Variants in SPARCL1 observed in about 807,000 individuals in gnomAD.
The protein encoded by SPARCL1 is SPARC-like protein 1.
SPARCL1 carries 52 observed loss-of-function variants against 67.1 expected under a neutral mutation model. The observed-to-expected ratio is 0.78, with a 90% CI of 0.62 to 0.98. SPARCL1 has a LOEUF of 0.98. SPARCL1 is among the 50% of genes least tolerant of loss of function. SPARCL1 has a pLI of 0.00. For missense variants in SPARCL1, 717 were observed against 782.4 expected (o/e 0.92, Z 1.00); for synonymous variants, 226 against 267.8 (o/e 0.84, Z 1.52).
chr4:87,506,093 CA>C (rs923466652), intron 1 of SPARCL1, among the ~76,000 whole-genome samples: 2 of 152,104 alleles, frequency 1.3e-5, no homozygotes, highest in Admixed American at 1.3e-4. Context: ...TAGGGACAAA[CA>C]AAAATGTCTC....
At chr4:87,510,204 T>C (rs1725289111) in intron 1 of SPARCL1, among the ~76,000 whole-genome samples, 1 of 152,140 alleles carries the variant, frequency 6.6e-6, no homozygotes, top group African/African-American at 2.4e-5. Flanking sequence ...AAATACTATA[T>C]AATATGTGTT....
intron 1 of SPARCL1, among the ~76,000 whole-genome samples, chr4:87,519,233 G>C (rs1725707691): frequency 6.6e-6 from 1 of 151,958 alleles, no homozygotes; most frequent in Admixed American, 6.6e-5. Flanking sequence ...ACCACGCCCG[G>C]CTAATTTTTA....
In SPARCL1 at chr4:87,493,858, C is replaced by CT; in HGVS notation, c.941dup (p.Thr315AspfsTer4). 1 of 1,614,192 alleles carries CT rather than the reference C, an allele frequency of 6.2e-7. No individual in the cohort carries two copies. Among genetic ancestry groups the CT allele is most frequent in the Non-Finnish European group, 8.5e-7 (1 of 1,180,036 alleles). On this transcript the variant is annotated frameshift_variant, in exon 4 of 11. Coordinates refer to ENST00000282470, the MANE Select transcript of SPARCL1 (RefSeq NM_004684.6). LOFTEE classifies it high-confidence loss of function. Reference sequence around the variant, plus strand: ...CCATGAGCAGAGCCTCAGAAACAGTCTTTTCTTCTGTCTCTTTGTGGTTGC... The same window carrying CT: ...CCATGAGCAGAGCCTCAGAAACAGTCTTTTTCTTCTGTCTCTTTGTGGTTGC...
chr4:87,478,156 G>T (rs1223060132), intron 10 of SPARCL1, among the ~76,000 whole-genome samples: 1 of 152,034 alleles, frequency 6.6e-6, no homozygotes, highest in Non-Finnish European at 1.5e-5. Context: ...TATCCCAAGG[G>T]TATATTGTAA....
At chr4:87,504,583 T>G (rs1260827106) in intron 1 of SPARCL1, among the ~76,000 whole-genome samples, 1 of 152,210 alleles carries the variant, frequency 6.6e-6, no homozygotes, top group African/African-American at 2.4e-5. Context: ...CACTGAGCTC[T>G]GTAGAAGGGG....
chr4:87,498,129 A>C (rs748254001), intron 2 of SPARCL1, among the ~76,000 whole-genome samples: 33 of 152,180 alleles, frequency 2.2e-4, no homozygotes, highest in Non-Finnish European at 3.8e-4. Flanking sequence ...TTCAGGAGAA[A>C]ACAACGGTTT....
chr4:87,515,308 T>G (rs1264409163), intron 1 of SPARCL1, among the ~76,000 whole-genome samples: 1 of 152,246 alleles, frequency 6.6e-6, no homozygotes, highest in Non-Finnish European at 1.5e-5. Context: ...TATTACATTT[T>G]CTTATCTATC....
At chr4:87,500,379 A>G (rs900309439) in intron 1 of SPARCL1, among the ~76,000 whole-genome samples, 2 of 152,184 alleles carry the variant, frequency 1.3e-5, no homozygotes, top group Non-Finnish European at 2.9e-5. Flanking sequence ...CAGAGAGGTT[A>G]AGTAAGTTGT....
intron 1 of SPARCL1, among the ~76,000 whole-genome samples, chr4:87,512,573 G>A (rs1725412708): frequency 6.6e-6 from 1 of 152,008 alleles, no homozygotes; most frequent in African/African-American, 2.4e-5. Context: ...GAGACCATGT[G>A]GCTGGAACCT....
Position 87,508,389 on chromosome 4 carries a change from A to G in SPARCL1, c.-11-8804T>C, listed in dbSNP as rs562256527. On this transcript the variant is annotated intron_variant, in intron 1 of 10. Coordinates refer to ENST00000282470, the MANE Select transcript of SPARCL1 (RefSeq NM_004684.6). ...TAATTTTTTTTTTTTCTGTAGAGAC[A>G]GGATCTTCCTATGTTGCCCAGGATG... Among the ~76,000 whole-genome samples, 6 of 151,786 alleles carry G rather than the reference A, an allele frequency of 4.0e-5. 1 individual carries two copies. Among genetic ancestry groups the G allele is most frequent in the Admixed American group, 2.6e-4 (4 of 15,248 alleles).
chr4:87,473,807 T>C lies in SPARCL1; in HGVS notation c.1967-4A>G. ...AAGAGATTTTCATCTATGTCCTCTA[T>C]AAAAAAACAAGAAGCAAAATGACAC... On this transcript the variant is annotated splice_region_variant and splice_polypyrimidine_tract_variant and intron_variant, in intron 10 of 10. Coordinates refer to ENST00000282470, the MANE Select transcript of SPARCL1 (RefSeq NM_004684.6). The C allele has an allele frequency of 4.4e-6, 7 of 1,603,338 alleles. No homozygotes were observed. The highest frequency in any genetic ancestry group is 6.0e-6 in the Non-Finnish European group (7 of 1,172,644).
chr4:87,491,646 A>G lies in SPARCL1; in HGVS notation c.1263T>C (p.Ser421=), dbSNP rs139100185. 445 of 1,613,860 alleles carry G rather than the reference A, an allele frequency of 2.8e-4. 5 individuals carry two copies. In the East Asian group the frequency reaches 9.9e-3, roughly 36 times the overall value. The stretch of plus-strand genomic sequence containing the variant: ...CAGCATGCACCCTCATGTTGCCTTC[A>G]CTTGACGTTTCCTCCTCATTTGATG... ...ENSSNEEETS[S]EGNMRVHAVD... Residue 421 remains serine, a synonymous_variant, in exon 5 of 11, where the codon AGT becomes AGC. Coordinates refer to ENST00000282470, the MANE Select transcript of SPARCL1 (RefSeq NM_004684.6).
Position 87,473,482 on chromosome 4 carries a change from C to A in SPARCL1, c.*293G>T. 2 of 257,822 alleles carry A rather than the reference C, an allele frequency of 7.8e-6. No individual in the cohort carries two copies. The highest frequency in any genetic ancestry group is 7.5e-5 in the East Asian group (1 of 13,336). 16.0% of individuals were successfully genotyped at this position (257,822 alleles called of 1,614,324 possible). A position where few individuals can be genotyped will look rare whatever the true frequency, so the allele number is the denominator to read the frequency against. Reference sequence around the variant, plus strand: ...TTATTTTTATCATTAATAGTTTAATCATTAATTATCTCATAAGTCAATGCA... The same window carrying A: ...TTATTTTTATCATTAATAGTTTAATAATTAATTATCTCATAAGTCAATGCA... On this transcript the variant is annotated 3_prime_UTR_variant, in exon 11 of 11. Coordinates refer to ENST00000282470, the MANE Select transcript of SPARCL1 (RefSeq NM_004684.6).
intron 1 of SPARCL1, among the ~76,000 whole-genome samples, chr4:87,513,775 A>G (rs1725471113): frequency 6.6e-6 from 1 of 152,188 alleles, no homozygotes; most frequent in Non-Finnish European, 1.5e-5. Context: ...GCTTCCCAGG[A>G]GCTAGTTCCA....
chr4:87,514,128 A>G lies in SPARCL1; in HGVS notation c.-11-14543T>C, dbSNP rs1390409836. ...AGAATTTCTTGAACCCAGGAGGTGG[A>G]GGTTGCAGTGAGCCAAGATTGAGCC... On this transcript the variant is annotated intron_variant, in intron 1 of 10. Coordinates refer to ENST00000282470, the MANE Select transcript of SPARCL1 (RefSeq NM_004684.6). 3.9e-5 allele frequency among the ~76,000 whole-genome samples: 6 copies of G among 152,350 alleles called. No individual in the cohort carries two copies. In the South Asian group the frequency reaches 1.0e-3, roughly 26 times the overall value.
intron 1 of SPARCL1, among the ~76,000 whole-genome samples, chr4:87,510,877 C>T (rs1401529482): frequency 6.6e-6 from 1 of 152,256 alleles, no homozygotes. Flanking sequence ...GTTACACGCC[C>T]TCTGGGGCTT....
chr4:87,496,681 AT>A (rs1468300242), intron 2 of SPARCL1, among the ~76,000 whole-genome samples: 6 of 152,220 alleles, frequency 3.9e-5, no homozygotes, highest in Admixed American at 3.9e-4. Context: ...TGTGTCAATA[AT>A]ATAAACTGCC....
intron 10 of SPARCL1, among the ~76,000 whole-genome samples, chr4:87,476,971 T>C (rs979485694): frequency 4.6e-5 from 7 of 152,262 alleles, no homozygotes; most frequent in African/African-American, 1.7e-4. Flanking sequence ...GTGTTCTGAC[T>C]GAATATTTAA....
intron 1 of SPARCL1, among the ~76,000 whole-genome samples, chr4:87,510,116 A>G (rs1329162983): frequency 6.6e-6 from 1 of 152,214 alleles, no homozygotes; most frequent in Non-Finnish European, 1.5e-5. Flanking sequence ...AGAAAATAGT[A>G]GAAACTCATC....
Sources: allele counts gnomAD v4.1 joint callset (sites outside exome capture counted in the v4.1 genomes callset), GRCh38; gene constraint gnomAD v4.1.1; transcripts MANE v1.5; gene names NCBI Gene and HGNC (gene_info 2026-07-23, HGNC 2026-07-21).